SLC35F3: variants seen among roughly 807,000 people sequenced by gnomAD.
The protein encoded by SLC35F3 is putative thiamine transporter SLC35F3.
A neutral mutation model predicts 49.9 loss-of-function variants in SLC35F3; 25 were observed. The observed-to-expected ratio is 0.50, with a 90% confidence interval of 0.37 to 0.70. The LOEUF is 0.70. Among genes scored for constraint, SLC35F3 ranks in the 30% least tolerant of loss-of-function variants. SLC35F3 has a pLI of 0.00. For synonymous variants in SLC35F3, 275 were observed against 265.4 expected, an observed-to-expected ratio of 1.04 and a Z score of -0.35; for missense variants, 525 against 639.8, an observed-to-expected ratio of 0.82 and a Z score of 1.94.
chr1:234,245,950 G>C (rs1296490943), intron 3 of SLC35F3, among the ~76,000 whole-genome samples: 1 of 152,180 alleles, frequency 6.6e-6, no homozygotes. Context: ...TGTCAAGGCA[G>C]TTACGAGCCT....
chr1:234,118,616 C>T (rs2102891822), intron 2 of SLC35F3, among the ~76,000 whole-genome samples: 1 of 152,210 alleles, frequency 6.6e-6, no homozygotes, highest in African/African-American at 2.4e-5. Context: ...ACTCTCTGAC[C>T]CTTTATAGAA....
At chr1:234,240,707 A>C (rs960497773) in intron 3 of SLC35F3, among the ~76,000 whole-genome samples, 1 of 152,210 alleles carries the variant, frequency 6.6e-6, no homozygotes, top group Non-Finnish European at 1.5e-5. Flanking sequence ...AATAATGATG[A>C]TGATGATAAC....
chr1:233,948,254 A>AAT (rs1662548430), intron 2 of SLC35F3, among the ~76,000 whole-genome samples: 1 of 147,252 alleles, frequency 6.8e-6, no homozygotes, highest in African/African-American at 2.6e-5. Context: ...AGAGAGAGAG[A>AAT]GAATGTGTGA....
intron 2 of SLC35F3, among the ~76,000 whole-genome samples, chr1:234,113,601 C>T (rs758169323): frequency 2.2e-4 from 34 of 152,142 alleles, no homozygotes; most frequent in Non-Finnish European, 3.4e-4. Flanking sequence ...TGGTGGCTCA[C>T]GCCTGTAATC....
chr1:234,307,050 T>C (rs549231420), intron 3 of SLC35F3, among the ~76,000 whole-genome samples: 2 of 152,320 alleles, frequency 1.3e-5, no homozygotes, highest in East Asian at 3.9e-4. Context: ...GTAGCCACCA[T>C]AATCACAAAC....
chr1:234,279,774 T>C (rs1231843820), intron 3 of SLC35F3, among the ~76,000 whole-genome samples: 1 of 152,224 alleles, frequency 6.6e-6, no homozygotes, highest in Non-Finnish European at 1.5e-5. Context: ...TGCCTCACAG[T>C]GGAGAATAAA....
intron 3 of SLC35F3, among the ~76,000 whole-genome samples, chr1:234,296,161 T>G (rs1668590010): frequency 6.6e-6 from 1 of 152,224 alleles, no homozygotes; most frequent in South Asian, 2.1e-4. Flanking sequence ...ATGTGCTTTC[T>G]TAAAGCAGAA....
At chr1:234,302,472 A>G (rs916346013) in intron 3 of SLC35F3, among the ~76,000 whole-genome samples, 2 of 152,188 alleles carry the variant, frequency 1.3e-5, no homozygotes, top group Non-Finnish European at 2.9e-5. Flanking sequence ...AAGGTCATGG[A>G]GAACTTGAGC....
intron 2 of SLC35F3, among the ~76,000 whole-genome samples, chr1:234,069,247 A>G (rs957283731): frequency 9.4e-5 from 12 of 127,110 alleles, no homozygotes; most frequent in African/African-American, 2.8e-4. Flanking sequence ...AATATATAAT[A>G]TATATATAAA....
At chr1:234,015,215 G>T (rs1222915303) in intron 2 of SLC35F3, among the ~76,000 whole-genome samples, 1 of 152,024 alleles carries the variant, frequency 6.6e-6, no homozygotes, top group African/African-American at 2.4e-5. Flanking sequence ...GTGCGGTGTG[G>T]TGTGCCCCTG....
chr1:234,254,040 G>A (rs544219396), intron 3 of SLC35F3, among the ~76,000 whole-genome samples: 75 of 152,272 alleles, frequency 4.9e-4, no homozygotes, highest in Admixed American at 1.3e-3. Context: ...CCAAAACCAG[G>A]CAAAGGCTGC....
chr1:234,053,018 T>A (rs1014379395), intron 2 of SLC35F3, among the ~76,000 whole-genome samples: 5 of 152,222 alleles, frequency 3.3e-5, no homozygotes, highest in Admixed American at 1.3e-4. Flanking sequence ...TGTTATAATT[T>A]CTGTTCTTTT....
chr1:234,169,573 C>T (rs960685918), intron 2 of SLC35F3, among the ~76,000 whole-genome samples: 3 of 141,578 alleles, frequency 2.1e-5, no homozygotes, highest in African/African-American at 9.2e-5. Flanking sequence ...CAGGGACATA[C>T]TGCCTGTCAG....
chr1:234,100,058 G>A (rs1203014767), intron 2 of SLC35F3, among the ~76,000 whole-genome samples: 1 of 152,182 alleles, frequency 6.6e-6, no homozygotes, highest in African/African-American at 2.4e-5. Context: ...TGCATGATTA[G>A]GTGTTGTGAA....
chr1:234,069,063 A>AT (rs1664670214), intron 2 of SLC35F3, among the ~76,000 whole-genome samples: 3 of 91,234 alleles, frequency 3.3e-5, no homozygotes, highest in Non-Finnish European at 6.2e-5. Context: ...TATATATTAT[A>AT]ATATATATTA....
At chr1:234,188,237 C>CA (rs112150679) in intron 2 of SLC35F3, among the ~76,000 whole-genome samples, 18,019 of 119,116 alleles carry the variant, frequency 0.15, 3,504 homozygotes, top group African/African-American at 0.46. Context: ...AACTCCGCCT[C>CA]AAAAAAAAAA....
At chr1:234,042,003 A>G (rs146168187) in intron 2 of SLC35F3, among the ~76,000 whole-genome samples, 1 of 152,110 alleles carries the variant, frequency 6.6e-6, no homozygotes, top group Non-Finnish European at 1.5e-5. Context: ...GGGCCCATGC[A>G]TGTAGAAGTA....
chr1:233,949,132 C>T (rs1001217577), intron 2 of SLC35F3, among the ~76,000 whole-genome samples: 1 of 152,096 alleles, frequency 6.6e-6, no homozygotes, highest in African/African-American at 2.4e-5. Context: ...CCATGGATCA[C>T]TGGGCTTGTT....
intron 2 of SLC35F3, among the ~76,000 whole-genome samples, chr1:234,028,619 G>T (rs1365174953): frequency 5.9e-5 from 9 of 152,208 alleles, no homozygotes; most frequent in African/African-American, 2.2e-4. Context: ...AGAAAAGAAA[G>T]TCGTAAGAAT....
Sources: gnomAD v4.1 joint callset for allele counts (sites outside exome capture counted in the v4.1 genomes callset) on GRCh38, gnomAD v4.1.1 for gene constraint, MANE v1.5 for transcripts, NCBI Gene and HGNC (gene_info 2026-07-23, HGNC 2026-07-21) for gene names.